RAVER2: variants seen among roughly 807,000 people sequenced by gnomAD.
RAVER2 encodes ribonucleoprotein, PTB binding 2.
In RAVER2, 46 loss-of-function variants were observed where a neutral mutation model predicts 78.1. The ratio of observed to expected loss-of-function variants is 0.59; its 90% CI spans 0.46 to 0.75. The LOEUF is 0.75. Among genes scored for constraint, RAVER2 ranks in the 30% least tolerant of loss-of-function variants. The pLI is 0.00. For missense variants in RAVER2, 793 were observed against 837.5 expected (o/e 0.95, Z 0.66); for synonymous variants, 311 against 313.3 (o/e 0.99, Z 0.08).
intron 4 of RAVER2, among the ~76,000 whole-genome samples, chr1:64,782,977 G>A (rs559272385): frequency 2.2e-4 from 34 of 152,166 alleles, no homozygotes; most frequent in African/African-American, 3.6e-4. Context: ...GAGAACATGC[G>A]GTGTTTGGTT....
chr1:64,777,901 G>A (rs113862271), exon 3 of RAVER2: 1 of 1,614,058 alleles, frequency 6.2e-7, no homozygotes, highest in Non-Finnish European at 8.5e-7. Flanking sequence ...TGCTGCAAAG[G>A]CTAGACTGGA....
At chr1:64,827,478 A>G (rs1053656258) in intron 11 of RAVER2, among the ~76,000 whole-genome samples, 2 of 152,204 alleles carry the variant, frequency 1.3e-5, no homozygotes, top group African/African-American at 4.8e-5. Context: ...GGTGCAAACT[A>G]TTCATAGAGT....
chr1:64,797,767 A>G (rs1192475665), intron 5 of RAVER2, among the ~76,000 whole-genome samples: 1 of 152,206 alleles, frequency 6.6e-6, no homozygotes, highest in East Asian at 1.9e-4. Flanking sequence ...ATCTATCTAT[A>G]TCTATATGTT....
At chr1:64,807,430 A>AAGC (rs940612207) in exon 9 of RAVER2, 38 of 1,613,986 alleles carry the variant, frequency 2.4e-5, no homozygotes, top group Non-Finnish European at 3.1e-5. Context: ...GGGACACCAT[A>AAGC]AGCAGCAGCA....
intron 1 of RAVER2, among the ~76,000 whole-genome samples, chr1:64,756,393 G>A (rs1428711673): frequency 1.3e-5 from 2 of 152,028 alleles, no homozygotes; most frequent in African/African-American, 4.8e-5. Flanking sequence ...GGCAATATAG[G>A]CTCATGGTTT....
At chr1:64,785,658 C>T (rs1652759813) in intron 4 of RAVER2, among the ~76,000 whole-genome samples, 1 of 152,112 alleles carries the variant, frequency 6.6e-6, no homozygotes, top group African/African-American at 2.4e-5. Flanking sequence ...AGTGAGCCAC[C>T]ATGCCCGGCC....
chr1:64,801,986 G>C (rs1385388024), intron 5 of RAVER2, among the ~76,000 whole-genome samples: 1 of 152,226 alleles, frequency 6.6e-6, no homozygotes, highest in Non-Finnish European at 1.5e-5. Flanking sequence ...AACAAGAGGT[G>C]GATTATTCAT....
chr1:64,804,676 G>T, intron 6 of RAVER2, 58 bp from the exon 7 acceptor site: 1 of 832,202 alleles, frequency 1.2e-6, no homozygotes, highest in East Asian at 2.4e-5. Context: ...AAATGAATTG[G>T]GTTATACAAC....
chr1:64,749,238 TCTCA>T (rs1281316202), intron 1 of RAVER2, among the ~76,000 whole-genome samples: 1 of 152,290 alleles, frequency 6.6e-6, no homozygotes, highest in South Asian at 2.1e-4. Context: ...TGAGACGGAT[TCTCA>T]CTCTGTCGCC....
At chr1:64,764,879 C>A (rs1162018662) in intron 1 of RAVER2, among the ~76,000 whole-genome samples, 1 of 152,230 alleles carries the variant, frequency 6.6e-6, no homozygotes, top group Non-Finnish European at 1.5e-5. Flanking sequence ...ATAAGATAAT[C>A]TCCATTACTC....
chr1:64,823,881 A>T (rs781478419), intron 11 of RAVER2, among the ~76,000 whole-genome samples: 2 of 143,908 alleles, frequency 1.4e-5, no homozygotes, highest in Non-Finnish European at 3.0e-5. Flanking sequence ...ATCTCAGCTC[A>T]CTGCAACCTC....
intron 1 of RAVER2, among the ~76,000 whole-genome samples, chr1:64,761,432 A>G (rs758433610): frequency 3.9e-5 from 6 of 152,236 alleles, no homozygotes; most frequent in Non-Finnish European, 8.8e-5. Flanking sequence ...TTTGAAATGG[A>G]AGTAAGAGTT....
At chr1:64,817,366 C>G (rs1653780104) in intron 11 of RAVER2, among the ~76,000 whole-genome samples, 2 of 152,124 alleles carry the variant, frequency 1.3e-5, no homozygotes, top group African/African-American at 2.4e-5. Flanking sequence ...GGATCTAGAA[C>G]TAGAAATATC....
chr1:64,766,741 T>C (rs1652185229), intron 1 of RAVER2, among the ~76,000 whole-genome samples: 1 of 152,150 alleles, frequency 6.6e-6, no homozygotes. Flanking sequence ...ACCAGTGAAA[T>C]GAGAGATTAG....
At chr1:64,832,499 G>A (rs984194117) in exon 12 of RAVER2, 1 of 152,360 alleles carries the variant, frequency 6.6e-6, no homozygotes, top group East Asian at 1.9e-4. Context: ...TTAATTGATA[G>A]GGAATTTGGG....
At chr1:64,787,594 C>T (rs3790528) in intron 4 of RAVER2, among the ~76,000 whole-genome samples, 7,272 of 152,176 alleles carry the variant, frequency 0.048, 406 homozygotes, top group East Asian at 0.27. Flanking sequence ...CTGAGAAGGT[C>T]GGGGAGGTGG....
intron 1 of RAVER2, among the ~76,000 whole-genome samples, chr1:64,763,094 G>A (rs560690781): frequency 2.6e-5 from 4 of 152,282 alleles, no homozygotes; most frequent in East Asian, 1.9e-4. Flanking sequence ...CAGATCATGA[G>A]GTCAGGCGAT....
At position 64,745,245 on chromosome 1, in the gene RAVER2, G is replaced by A; in HGVS notation, c.73G>A (p.Gly25Arg). 8.5e-7 allele frequency: 1 copy of A among 1,179,340 alleles called. No individual in the cohort carries two copies. Among genetic ancestry groups the A allele is most frequent in the African/African-American group, 1.6e-5 (1 of 60,820 alleles). 73.1% of individuals were successfully genotyped at this position (1,179,340 alleles called of 1,614,324 possible). The change falls in exon 1 of 12, where the codon GGG (glycine) becomes AGG (arginine). Residue 25 changes from glycine (G) to arginine (R), a missense_variant. Physicochemically the swap from Gly to Arg is moderately radical, Grantham distance 125. Transcript: ENST00000294428. This position sits in a 1 kb window ranked among gnomAD's most constrained non-coding sequence, Gnocchi z 4.3. ...GGGCAGCGCGGCGGGGCTGGGGCCGGGGCCGGGGCTGCGCGGGCAGGGCCC... is the reference window on the plus strand; with the variant it reads ...GGGCAGCGCGGCGGGGCTGGGGCCGAGGCCGGGGCTGCGCGGGCAGGGCCC...
At chr1:64,800,139 T>A (rs1653219283) in intron 5 of RAVER2, among the ~76,000 whole-genome samples, 1 of 151,870 alleles carries the variant, frequency 6.6e-6, no homozygotes, top group African/African-American at 2.4e-5. Flanking sequence ...TTGTTTTTTT[T>A]TTTTGCTGTT....
Sources: gnomAD v4.1 joint callset for allele counts (sites outside exome capture counted in the v4.1 genomes callset) on GRCh38, gnomAD v4.1.1 for gene constraint, Gnocchi (gnomAD v3.1) non-coding constraint, MANE v1.5 for transcripts, NCBI Gene and HGNC (gene_info 2026-07-23, HGNC 2026-07-21) for gene names.